Variants in BRD8 observed in about 807,000 individuals in gnomAD.
BRD8 encodes the protein bromodomain-containing protein 8.
A neutral mutation model predicts 143.1 loss-of-function variants in BRD8; 67 were observed. The ratio of observed to expected loss-of-function variants is 0.47; its 90% CI spans 0.38 to 0.57. The LOEUF (loss-of-function observed/expected upper bound fraction) is 0.57. Ranked by LOEUF, BRD8 falls within the 20% of genes least tolerant of loss-of-function variation. The pLI is 0.00. For synonymous variants in BRD8, 505 were observed against 517.1 expected (o/e 0.98, Z 0.32); for missense variants, 1,103 against 1,503.0 (o/e 0.73, Z 4.40).
At chr5:138,149,426 A>G (rs1752291817) in intron 23 of BRD8, among the ~76,000 whole-genome samples, 1 of 152,162 alleles carries the variant, frequency 6.6e-6, no homozygotes, top group Non-Finnish European at 1.5e-5. Flanking sequence ...GCCTTGAAAG[A>G]CAGTCCTAAT....
intron 21 of BRD8, among the ~76,000 whole-genome samples, chr5:138,151,767 G>A (rs181448568): frequency 6.6e-6 from 1 of 152,316 alleles, no homozygotes; most frequent in Admixed American, 6.5e-5. Flanking sequence ...GGGTTCAAGC[G>A]ATTCTCCTGC....
At chr5:138,171,220 C>G in intron 4 of BRD8, 60 bp from the exon 5 acceptor site, 2 of 1,527,566 alleles carry the variant, frequency 1.3e-6, no homozygotes, top group Non-Finnish European at 1.8e-6. Context: ...ATCCCCTCTC[C>G]TACTTGCTTT....
At chr5:138,169,886 G>C (rs1222773005) in intron 7 of BRD8, among the ~76,000 whole-genome samples, 1 of 152,188 alleles carries the variant, frequency 6.6e-6, no homozygotes, top group African/African-American at 2.4e-5. Flanking sequence ...TTGAACCCGC[G>C]AGGCGGAGGT....
At chr5:138,163,945 C>A (rs1753202501) in intron 14 of BRD8, 142 bp downstream of exon 14, 1 of 970,050 alleles carries the variant, frequency 1.0e-6, no homozygotes, top group South Asian at 1.5e-5. Context: ...TTATGCCTGT[C>A]TACTGCAGCT....
At chr5:138,148,183 A>G (rs896893271) in intron 23 of BRD8, among the ~76,000 whole-genome samples, 1 of 151,604 alleles carries the variant, frequency 6.6e-6, no homozygotes, top group African/African-American at 2.4e-5. Flanking sequence ...AAAAGAAAAA[A>G]AAAAGGGAAA....
chr5:138,167,152 C>T (rs1014438602), intron 9 of BRD8, among the ~76,000 whole-genome samples: 1 of 146,248 alleles, frequency 6.8e-6, no homozygotes, highest in Non-Finnish European at 1.5e-5. Flanking sequence ...GCTGTAATCC[C>T]AGCTATTCAG....
chr5:138,168,576 T>A (rs755335638), intron 8 of BRD8: 2 of 1,608,980 alleles, frequency 1.2e-6, no homozygotes, highest in African/African-American at 2.7e-5. Context: ...CTGGGGTGAA[T>A]CATCTGTTAC....
At chr5:138,168,133 T>C in intron 8 of BRD8, 55 bp from the exon 9 acceptor site, 1 of 1,352,208 alleles carries the variant, frequency 7.4e-7, no homozygotes, top group Non-Finnish European at 1.0e-6. Flanking sequence ...TCACTACCAT[T>C]TCCCAACAAA....
At chr5:138,174,779 G>A (rs142046244) in intron 2 of BRD8, among the ~76,000 whole-genome samples, 1,956 of 152,188 alleles carry the variant, frequency 0.013, 17 homozygotes, top group Non-Finnish European at 0.018. Flanking sequence ...ATGCACTGAG[G>A]AAGGTGGAAC....
At chr5:138,141,521 C>T (rs1455812805) in intron 25 of BRD8, among the ~76,000 whole-genome samples, 2 of 152,206 alleles carry the variant, frequency 1.3e-5, no homozygotes, top group African/African-American at 4.8e-5. Context: ...AATTCAGAGG[C>T]AGCCTGACTC....
chr5:138,167,857 T>C (rs1297252228), intron 9 of BRD8, 77 bp downstream of exon 9: 1 of 1,324,786 alleles, frequency 7.5e-7, no homozygotes, highest in Non-Finnish European at 1.1e-6. Context: ...GACAACTGCT[T>C]AGTAACAGTG....
intron 25 of BRD8, among the ~76,000 whole-genome samples, chr5:138,144,181 CAGCG>C (rs1273329957): frequency 6.6e-6 from 1 of 152,100 alleles, no homozygotes; most frequent in Non-Finnish European, 1.5e-5. Context: ...CTCCTGAAGC[CAGCG>C]AGACCACCAA....
chr5:138,153,544 A>C (rs1421308422), intron 20 of BRD8, among the ~76,000 whole-genome samples: 1 of 152,154 alleles, frequency 6.6e-6, no homozygotes, highest in African/African-American at 2.4e-5. Flanking sequence ...ATGCATCCAA[A>C]AGTCAATTCC....
intron 23 of BRD8, among the ~76,000 whole-genome samples, chr5:138,147,805 G>T (rs1752213497): frequency 6.6e-6 from 1 of 152,056 alleles, no homozygotes; most frequent in South Asian, 2.1e-4. Context: ...GGTTGTGGTG[G>T]TGCACATCTG....
At chr5:138,174,916 G>A (rs958947157) in intron 2 of BRD8, among the ~76,000 whole-genome samples, 15 of 147,736 alleles carry the variant, frequency 1.0e-4, no homozygotes, top group African/African-American at 1.5e-4. Context: ...TTGAGATGGC[G>A]TCTTGCTCTG....
At chr5:138,151,341 T>A (rs1752360459) in intron 21 of BRD8, among the ~76,000 whole-genome samples, 1 of 152,232 alleles carries the variant, frequency 6.6e-6, no homozygotes, top group Admixed American at 6.5e-5. Flanking sequence ...CAGACACTTG[T>A]AGAGAGAAGT....
intron 26 of BRD8, 118 bp downstream of exon 26, chr5:138,140,587 G>C (rs1751863126): frequency 1.7e-6 from 2 of 1,191,184 alleles, no homozygotes; most frequent in Non-Finnish European, 1.2e-6. Context: ...CAATCCTTCA[G>C]GGCCTTAATC....
chr5:138,163,132 C>T lies in BRD8; in HGVS notation c.2085G>A (p.Gln695=). The part of the protein sequence containing the change: ...DSIPSSPASS[Q]FSVCSEDQEA... ...AAGAAAGAATCTCAGATACTCACAA[C>T]TGTGAAGAAGCAGGGCTGCTGGGGA... The change falls in exon 15 of 27, where the codon CAG becomes CAA. Residue 695 remains glutamine, a splice_region_variant and synonymous_variant. Transcript: ENST00000254900. The T allele has an allele frequency of 1.2e-6, 2 of 1,613,846 alleles. No homozygotes were observed. The highest frequency in any genetic ancestry group is 4.5e-5 in the East Asian group (2 of 44,882).
chr5:138,155,187 C>A (rs1204337983), intron 20 of BRD8, among the ~76,000 whole-genome samples: 11 of 151,656 alleles, frequency 7.3e-5, no homozygotes, highest in Admixed American at 7.2e-4. Flanking sequence ...TGGCTTATGT[C>A]TGTAATCCTA....
Sources: allele counts gnomAD v4.1 joint callset (sites outside exome capture counted in the v4.1 genomes callset), GRCh38; gene constraint gnomAD v4.1.1; transcripts MANE v1.5; gene names NCBI Gene and HGNC (gene_info 2026-07-23, HGNC 2026-07-21).